The following TRIP4 variants were observed in gnomAD, a reference collection of about 807,000 sequenced individuals.
TRIP4 encodes the protein thyroid hormone receptor interactor 4.
Under a neutral mutation model 81.8 loss-of-function variants are expected in TRIP4, and 54 were observed. The ratio of observed to expected loss-of-function variants is 0.66; its 90% confidence interval spans 0.53 to 0.83. The LOEUF (loss-of-function observed/expected upper bound fraction) is 0.83, where lower values mean the gene tolerates loss of function less well. Ranked by LOEUF, TRIP4 falls within the 40% of genes least tolerant of loss-of-function variation. The pLI, the probability that TRIP4 is intolerant of heterozygous loss-of-function variation, is 0.00. For synonymous variants in TRIP4, 270 were observed against 242.8 expected (o/e 1.11, Z -1.04); for missense variants, 662 against 683.6 (o/e 0.97, Z 0.35).
chr15:64,402,304 C>A (rs929017399), intron 5 of TRIP4, among the ~76,000 whole-genome samples: 1 of 150,704 alleles, frequency 6.6e-6, no homozygotes, highest in Admixed American at 6.6e-5. Flanking sequence ...CTCACCGCAG[C>A]CTTCGCCTCC....
rs200844556 is a variant in TRIP4 at position 64,424,070 on chromosome 15, A to T, written c.1398A>T (p.Arg466=). The T allele has an allele frequency of 2.4e-5, 39 of 1,614,142 alleles. No homozygotes were observed. In the Middle Eastern group the frequency reaches 4.9e-4, roughly 20 times the overall value. Residue 466 remains arginine (R), a synonymous_variant, in exon 10 of 13, where the codon CGA becomes CGT. Transcript: ENST00000261884. ...GRSWYTPHRG[R]LWIAATAKKP... is the part of the protein sequence containing the mutation. ...CCTGGTACACCCCCCACAGAGGACGACTTTGGATAGCAGCCACAGCTAAAA... is the reference window on the plus strand; with the variant it reads ...CCTGGTACACCCCCCACAGAGGACGTCTTTGGATAGCAGCCACAGCTAAAA...
At chr15:64,450,160 G>A (rs1023826751) in intron 12 of TRIP4, among the ~76,000 whole-genome samples, 1 of 151,786 alleles carries the variant, frequency 6.6e-6, no homozygotes, top group Non-Finnish European at 1.5e-5. Context: ...TTGGGAGGCC[G>A]AGGCGGATCA....
rs1270348919 is a variant in TRIP4, at chr15:64,409,685, A to G, written c.900A>G (p.Lys300=). 1 of 1,614,180 alleles carries G rather than the reference A, an allele frequency of 6.2e-7. No individual in the cohort carries two copies. Among genetic ancestry groups the G allele is most frequent in the Non-Finnish European group, 8.5e-7 (1 of 1,180,030 alleles). ...FASDSNQWLS[K]LERETLQKRE... ...GTGATTCTAACCAATGGTTGTCCAAACTTGAGCGGGAAACCTTGCAGAAGC... is the reference window on the plus strand; with the variant it reads ...GTGATTCTAACCAATGGTTGTCCAAGCTTGAGCGGGAAACCTTGCAGAAGC... The change falls in exon 7 of 13, where the codon AAA becomes AAG. Residue 300 remains lysine, a synonymous_variant. Transcript: ENST00000261884.
At chr15:64,425,086 A>G (rs1383590012) in intron 10 of TRIP4, among the ~76,000 whole-genome samples, 2 of 151,862 alleles carry the variant, frequency 1.3e-5, no homozygotes, top group African/African-American at 2.4e-5. Context: ...CTAAAAGCAC[A>G]CTTCTATTCC....
At chr15:64,414,914 C>A (rs1172875787) in intron 8 of TRIP4, among the ~76,000 whole-genome samples, 1 of 151,758 alleles carries the variant, frequency 6.6e-6, no homozygotes, top group Non-Finnish European at 1.5e-5. Context: ...AGCAACATGG[C>A]AAAACCCCGT....
intron 11 of TRIP4, among the ~76,000 whole-genome samples, chr15:64,438,981 CT>C (rs1398405395): frequency 6.6e-6 from 1 of 152,160 alleles, no homozygotes; most frequent in Non-Finnish European, 1.5e-5. Context: ...CTGGAAGCCC[CT>C]GTCTTAGATA....
chr15:64,409,275 T>C (rs1431581731), intron 6 of TRIP4, among the ~76,000 whole-genome samples: 2 of 151,780 alleles, frequency 1.3e-5, no homozygotes, highest in African/African-American at 4.8e-5. Context: ...CTAGCAAGAA[T>C]AGGCTGGATC....
At chr15:64,422,075 A>C (rs1892031686) in intron 9 of TRIP4, among the ~76,000 whole-genome samples, 1 of 151,944 alleles carries the variant, frequency 6.6e-6, no homozygotes, top group African/African-American at 2.4e-5. Flanking sequence ...CTAGGTGTGT[A>C]GTAGGTTATA....
intron 11 of TRIP4, among the ~76,000 whole-genome samples, chr15:64,428,363 C>T (rs1487084604): frequency 3.9e-5 from 6 of 152,118 alleles, no homozygotes; most frequent in African/African-American, 1.4e-4. Context: ...CTGAAGGATA[C>T]CTCTTTTTCA....
In TRIP4 at chr15:64,414,127, C is replaced by T; in HGVS notation, c.1086C>T (p.Asn362=). Residue 362 remains asparagine (N), a synonymous_variant, in exon 8 of 13, where the codon AAC becomes AAT. Transcript: ENST00000261884. The part of the protein sequence containing the change: ...TIQAIANGTL[N]QPLTKLDRSS... ...AGGCCATTGCCAATGGAACCTTGAACCAGCCACTGACCAAATTGGATAGAT... is the reference window on the plus strand; with the variant it reads ...AGGCCATTGCCAATGGAACCTTGAATCAGCCACTGACCAAATTGGATAGAT... 1 of 1,614,108 alleles carries T rather than the reference C, an allele frequency of 6.2e-7. No homozygotes were observed. Among genetic ancestry groups the T allele is most frequent in the Non-Finnish European group, 8.5e-7 (1 of 1,180,020 alleles).
At chr15:64,424,198 GAA>G in intron 10 of TRIP4, 43 bp downstream of exon 10, 2 of 1,610,098 alleles carry the variant, frequency 1.2e-6, no homozygotes, top group African/African-American at 1.3e-5. Flanking sequence ...TTTATGGAGA[GAA>G]GTCATTGACG....
chr15:64,430,373 G>A (rs1365076648), intron 11 of TRIP4, among the ~76,000 whole-genome samples: 1 of 152,240 alleles, frequency 6.6e-6, no homozygotes, highest in African/African-American at 2.4e-5. Context: ...CCTGGAAGGA[G>A]CCCATGCTGT....
intron 8 of TRIP4, 29 bp downstream of exon 8, chr15:64,414,240 T>C: frequency 1.2e-6 from 2 of 1,610,544 alleles, no homozygotes; most frequent in Non-Finnish European, 1.7e-6. Flanking sequence ...TAACTGTTAA[T>C]AAGAAGTTTG....
At chr15:64,441,621 A>C (rs1486217968) in intron 11 of TRIP4, among the ~76,000 whole-genome samples, 2 of 151,942 alleles carry the variant, frequency 1.3e-5, no homozygotes, top group Non-Finnish European at 2.9e-5. Context: ...AAAATACAAA[A>C]AATTAGCCGG....
At chr15:64,421,735 C>T (rs1432309107) in intron 9 of TRIP4, among the ~76,000 whole-genome samples, 1 of 152,098 alleles carries the variant, frequency 6.6e-6, no homozygotes, top group Non-Finnish European at 1.5e-5. Context: ...ACATGCTGTA[C>T]CAGCTTGTAA....
At position 64,409,660 on chromosome 15, in the gene TRIP4, G is replaced by A. The variant is rs781264670; in HGVS notation, c.875G>A (p.Ser292Asn). Reference protein sequence around the residue: ...VIDDESDYFASDSNQWLSKLE... With the variant: ...VIDDESDYFANDSNQWLSKLE... Reference sequence around the variant, plus strand: ...GATGATGAGTCAGATTACTTTGCCAGTGATTCTAACCAATGGTTGTCCAAA... The same window carrying A: ...GATGATGAGTCAGATTACTTTGCCAATGATTCTAACCAATGGTTGTCCAAA... Residue 292 changes from serine (S) to asparagine (N), a missense_variant, in exon 7 of 13, where the codon AGT (serine) becomes AAT (asparagine). Ser to Asn is a conservative substitution (Grantham distance 46). Coordinates refer to ENST00000261884, the MANE Select transcript of TRIP4 (RefSeq NM_016213.5). 5.0e-6 allele frequency: 8 copies of A among 1,614,064 alleles called. No homozygotes were observed. The highest frequency in any genetic ancestry group is 6.8e-6 in the Non-Finnish European group (8 of 1,180,046).
rs753577327 is a variant in TRIP4 at position 64,414,346 on chromosome 15, A to G, written c.1170+135A>G. On this transcript the variant is annotated intron_variant, in intron 8 of 12. Coordinates refer to ENST00000261884, the MANE Select transcript of TRIP4 (RefSeq NM_016213.5). ...ACCTGTACCAATCAGCTCTCTCAACACACCTGCCAACCTTATTCTCTGGCC... is the reference window on the plus strand; with the variant it reads ...ACCTGTACCAATCAGCTCTCTCAACGCACCTGCCAACCTTATTCTCTGGCC... The G allele has an allele frequency of 9.5e-6, 11 of 1,153,016 alleles. No individual in the cohort carries two copies. The Admixed American group carries it at 2.2e-4, about 23-fold the overall frequency. 71.4% of individuals were successfully genotyped at this position (1,153,016 alleles called of 1,614,324 possible).
At chr15:64,388,047 A>C in intron 1 of TRIP4, 83 bp downstream of exon 1, 1 of 1,451,352 alleles carries the variant, frequency 6.9e-7, no homozygotes, top group Non-Finnish European at 9.1e-7. Context: ...GAGGACTGAA[A>C]AGTTAAGAGA....
At chr15:64,450,393 GAAAAAAAAAAA>G (rs1005400086) in intron 12 of TRIP4, among the ~76,000 whole-genome samples, 1 of 46,928 alleles carries the variant, frequency 2.1e-5, no homozygotes, top group African/African-American at 6.5e-5. Context: ...CGTCTCAAAA[GAAAAAAAAAAA>G]AAAAAAAAAA....
Sources: gnomAD v4.1 joint callset for allele counts (sites outside exome capture counted in the v4.1 genomes callset) on GRCh38, gnomAD v4.1.1 for gene constraint, MANE v1.5 for transcripts, NCBI Gene and HGNC (gene_info 2026-07-23, HGNC 2026-07-21) for gene names.